POLB: variants seen among roughly 807,000 people sequenced by gnomAD.
POLB encodes the protein DNA polymerase beta.
Under a neutral mutation model 52.7 loss-of-function variants are expected in POLB, and 37 were observed. The observed-to-expected ratio is 0.70, with a 90% CI of 0.54 to 0.92. POLB has a LOEUF of 0.92. Ranked by LOEUF, POLB falls within the 40% of genes least tolerant of loss-of-function variation. The pLI is 0.00. For synonymous variants in POLB, 138 were observed against 131.3 expected (o/e 1.05, Z -0.35); for missense variants, 313 against 400.8 (o/e 0.78, Z 1.87).
intron 2 of POLB, chr8:42,342,263 C>T: frequency 2.6e-6 from 4 of 1,545,760 alleles, no homozygotes; most frequent in Non-Finnish European, 3.5e-6. Context: ...TCGCCAGTCA[C>T]CTCCACTTGG....
In POLB at chr8:42,354,545, A is replaced by G. The variant is rs62508032; in HGVS notation, c.371-971A>G. The G allele has an allele frequency of 6.9e-4, 709 of 1,024,766 alleles. 6 individuals are homozygous for G. The highest frequency in any genetic ancestry group is 6.4e-3 in the South Asian group (488 of 75,692). The allele number at this position is 1,024,766 out of a possible 1,614,324, so 63.5% of individuals were successfully genotyped here. ...AGGTACAGTAATAATTTTCCTTTCAATGGAATTTTTTTTTGTTTTGAGACA... is the reference window on the plus strand; with the variant it reads ...AGGTACAGTAATAATTTTCCTTTCAGTGGAATTTTTTTTTGTTTTGAGACA... On this transcript the variant is annotated intron_variant, in intron 6 of 13. Transcript: ENST00000265421.
chr8:42,345,919 G>A (rs750532241), intron 3 of POLB, among the ~76,000 whole-genome samples: 33 of 152,066 alleles, frequency 2.2e-4, no homozygotes, highest in Admixed American at 4.6e-4. Flanking sequence ...AATTATCATG[G>A]CTTTTTTGTT....
At chr8:42,365,055 C>T (rs1419858627) in intron 11 of POLB, among the ~76,000 whole-genome samples, 2 of 151,880 alleles carry the variant, frequency 1.3e-5, no homozygotes, top group Non-Finnish European at 2.9e-5. Context: ...CTACTGCACT[C>T]CAGCCTGGGT....
intron 11 of POLB, among the ~76,000 whole-genome samples, chr8:42,368,544 A>ATGGGT (rs995360682): frequency 2.0e-5 from 3 of 152,150 alleles, no homozygotes; most frequent in African/African-American, 7.2e-5. Context: ...TGTTTTACAT[A>ATGGGT]TGTATGGGTT....
At position 42,369,858 on chromosome 8, in the gene POLB, C is replaced by A; in HGVS notation, c.783C>A (p.Pro261=). 1 of 1,582,278 alleles carries A rather than the reference C, an allele frequency of 6.3e-7. No homozygotes were observed. The highest frequency in any genetic ancestry group is 1.9e-5 in the Admixed American group (1 of 52,668). The part of the protein sequence containing the change: ...PHRRIDIRLI[P]KDQYYCGVLY... ...TGTCCATTTTTTTTAGGTTGATACC[C>A]AAAGATCAGTATTACTGTGGTGTTC... Residue 261 remains proline (P), a synonymous_variant, in exon 13 of 14, where the codon CCC becomes CCA. Coordinates refer to ENST00000265421, the MANE Select transcript of POLB (RefSeq NM_002690.3).
In POLB at chr8:42,371,681, A is replaced by G; in HGVS notation, c.*24A>G. ...GAGGCCTGTATCCTCCCTGGCAGAC[A>G]CAACCCAATAGGAGTCTTAATTTAT... On this transcript the variant is annotated 3_prime_UTR_variant, in exon 14 of 14. Coordinates refer to ENST00000265421, the MANE Select transcript of POLB (RefSeq NM_002690.3). The G allele has an allele frequency of 1.5e-6, 2 of 1,325,618 alleles. No individual in the cohort carries two copies. Among genetic ancestry groups the G allele is most frequent in the Non-Finnish European group, 2.2e-6 (2 of 917,124 alleles). 82.1% of individuals were successfully genotyped at this position (1,325,618 alleles called of 1,614,324 possible).
intron 13 of POLB, chr8:42,370,258 G>GT: frequency 1.6e-5 from 6 of 378,650 alleles, no homozygotes; most frequent in South Asian, 4.1e-5. Flanking sequence ...CATCTAAAAG[G>GT]GTTTTTTTTT....
intron 10 of POLB, among the ~76,000 whole-genome samples, 154 bp from the exon 11 acceptor site, chr8:42,362,458 C>G (rs1188522110): frequency 6.6e-6 from 1 of 151,858 alleles, no homozygotes; most frequent in Admixed American, 6.6e-5. Flanking sequence ...TCCAGGAGTT[C>G]AAGGCTATAG....
chr8:42,343,088 C>T (rs948524158), intron 2 of POLB, among the ~76,000 whole-genome samples: 2 of 151,538 alleles, frequency 1.3e-5, no homozygotes, highest in Non-Finnish European at 2.9e-5. Flanking sequence ...TTTGGGAGGC[C>T]AAGGCAGGCA....
chr8:42,338,566 T>C lies in POLB; in HGVS notation c.-59T>C. 5 of 1,467,984 alleles carry C rather than the reference T, an allele frequency of 3.4e-6. 1 individual carries two copies. Among genetic ancestry groups the C allele is most frequent in the Middle Eastern group, 3.4e-4 (2 of 5,810 alleles). 90.9% of individuals were successfully genotyped at this position (1,467,984 alleles called of 1,614,324 possible). ...CCAAGTCCTGGTACCTCCTTCAAGC[T>C]GGGAGAGGGCTCTAGTCCCTGGTTC... On this transcript the variant is annotated 5_prime_UTR_variant, in exon 1 of 14. Coordinates refer to ENST00000265421, the MANE Select transcript of POLB (RefSeq NM_002690.3).
intron 11 of POLB, among the ~76,000 whole-genome samples, chr8:42,363,325 A>C (rs1823832235): frequency 6.6e-6 from 1 of 151,792 alleles, no homozygotes; most frequent in Non-Finnish European, 1.5e-5. Context: ...TCAGGTGATC[A>C]AGACCATCCT....
Position 42,361,357 on chromosome 8 carries a change from A to G in POLB, c.613A>G (p.Thr205Ala). Residue 205 changes from threonine to alanine, a missense_variant, in exon 10 of 14, where the codon ACC (threonine) becomes GCC (alanine). Coordinates refer to ENST00000265421, the MANE Select transcript of POLB (RefSeq NM_002690.3). ...LTHPSFTSESTKQPKLLHQVV... is the reference protein window; with the variant it reads ...LTHPSFTSESAKQPKLLHQVV... ...CCATCCCAGCTTCACTTCAGAATCA[A>G]CCAAACAGGTGCCTCAGAGTTTATA... 1 of 1,605,442 alleles carries G rather than the reference A, an allele frequency of 6.2e-7. No individual in the cohort carries two copies. Among genetic ancestry groups the G allele is most frequent in the Non-Finnish European group, 8.5e-7 (1 of 1,172,044 alleles).
In POLB at chr8:42,338,605, G is replaced by A. The variant is rs1821990594; in HGVS notation, c.-20G>A. On this transcript the variant is annotated 5_prime_UTR_variant, in exon 1 of 14. Transcript: ENST00000265421. ...AGTCCCTGGTTCTGAACACTCTGGG[G>A]TTCTCGGGTGCAGGCCGCCATGAGC... 6.2e-7 allele frequency: 1 copy of A among 1,612,348 alleles called. No individual in the cohort carries two copies.
Position 42,353,643 on chromosome 8 carries a change from T to C in POLB, c.370+1075T>C, listed in dbSNP as rs560290315. The stretch of plus-strand genomic sequence containing the variant: ...CTTTTCATGGGTGTATGTATACATA[T>C]GGATTCATTACAGCATATCCATGGC... On this transcript the variant is annotated intron_variant, in intron 6 of 13. Transcript: ENST00000265421. 1.6e-4 allele frequency among the ~76,000 whole-genome samples: 24 copies of C among 151,814 alleles called. No individual in the cohort carries two copies. The South Asian group carries it at 5.0e-3, about 31-fold the overall frequency.
At chr8:42,349,114 C>T (rs1159551828) in intron 4 of POLB, 24 bp downstream of exon 4, 4 of 1,358,554 alleles carry the variant, frequency 2.9e-6, no homozygotes, top group African/African-American at 2.9e-5. Context: ...TTGTTTACTT[C>T]ATTAATTATA....
chr8:42,344,171 T>C (rs1585870661), intron 2 of POLB, among the ~76,000 whole-genome samples: 1 of 125,720 alleles, frequency 8.0e-6, no homozygotes, highest in African/African-American at 3.0e-5. Flanking sequence ...TGGCCGGGAG[T>C]GGTGGTTCAC....
At chr8:42,343,345 A>AATATATATATATATATATAT (rs1554531634) in intron 2 of POLB, among the ~76,000 whole-genome samples, 2 of 33,066 alleles carry the variant, frequency 6.0e-5, no homozygotes, top group Non-Finnish European at 8.5e-5. Context: ...AAAAAAAAAA[A>AATATATATATATATATATAT]ATATATATAT....
At chr8:42,365,857 T>A (rs959178794) in intron 11 of POLB, among the ~76,000 whole-genome samples, 1 of 152,142 alleles carries the variant, frequency 6.6e-6, no homozygotes, top group African/African-American at 2.4e-5. Context: ...CCCAGCACTT[T>A]GGGAGGCTGA....
In POLB at chr8:42,369,295, A is replaced by G. The variant is rs749818856; in HGVS notation, c.733A>G (p.Asn245Asp). 6.3e-7 allele frequency: 1 copy of G among 1,591,420 alleles called. No individual in the cohort carries two copies. The highest frequency in any genetic ancestry group is 2.2e-5 in the East Asian group (1 of 44,556). ...GGGTGTTTGCCAGCTTCCCAGTAAA[A>G]ATGATGAAAAAGAATATCCACACAG... ...FMGVCQLPSK[N>D]DEKEYPHRRI... The change falls in exon 12 of 14, where the codon AAT becomes GAT. Residue 245 changes from asparagine (N) to aspartate (D), a missense_variant. Asn to Asp is a conservative substitution (Grantham distance 23, BLOSUM62 1). Around this residue, in one of 3 missense-constraint regions of POLB, gnomAD observed 246 missense variants for 297.6 expected, o/e 0.83. Coordinates refer to ENST00000265421, the MANE Select transcript of POLB (RefSeq NM_002690.3).
Sources: allele counts gnomAD v4.1 joint callset (sites outside exome capture counted in the v4.1 genomes callset), GRCh38; gene constraint gnomAD v4.1.1; regional missense constraint gnomAD v4.1.1; transcripts MANE v1.5; gene names NCBI Gene and HGNC (gene_info 2026-07-23, HGNC 2026-07-21).